The following KANK1 variants were observed in gnomAD, a reference collection of about 807,000 sequenced individuals.
The protein encoded by KANK1 is KN motif and ankyrin repeat domain-containing protein 1.
In KANK1, 109 loss-of-function variants were observed where a neutral mutation model predicts 106.2. That is an observed-to-expected ratio of 1.03 (90% CI 0.88 to 1.20). The LOEUF (loss-of-function observed/expected upper bound fraction) is 1.20. Among genes scored for constraint, KANK1 ranks in the 50% most tolerant of loss-of-function variants. The pLI, the probability that KANK1 is intolerant of heterozygous loss-of-function variation, is 0.00. For synonymous variants in KANK1, 873 were observed against 652.2 expected, an observed-to-expected ratio of 1.34 and a Z score of -5.16; for missense variants, 2,399 against 1,710.7, an observed-to-expected ratio of 1.40 and a Z score of -7.10.
chr9:601,351 T>G (rs896977918), intron 1 of KANK1, among the ~76,000 whole-genome samples: 6 of 151,886 alleles, frequency 4.0e-5, no homozygotes, highest in Non-Finnish European at 8.8e-5. Context: ...CATGATCCAA[T>G]CCAAGATCCA....
At position 491,941 on chromosome 9, in the gene KANK1, TCTC is replaced by T. The variant is rs1015498382; in HGVS notation, c.-362+18671_-362+18673del. ...CCATCCAAGTAAGACGTGAGTTACT[TCTC>T]CTTGCCTTCCGCCATGATTTTGAGG... On this transcript the variant is annotated intron_variant, in intron 3 of 15. Transcript: ENST00000382303. The T allele has an allele frequency of 3.9e-5, 6 of 152,220 alleles. No individual in the cohort carries two copies. In the South Asian group the frequency reaches 1.2e-3, roughly 32 times the overall value. 9.4% of individuals were successfully genotyped at this position (152,220 alleles called of 1,614,324 possible). A position where few individuals can be genotyped will look rare whatever the true frequency, so the allele number is the denominator to read the frequency against.
At chr9:559,383 C>G (rs1234546521) in intron 1 of KANK1, among the ~76,000 whole-genome samples, 1 of 141,112 alleles carries the variant, frequency 7.1e-6, no homozygotes, top group Non-Finnish European at 1.6e-5. Context: ...AGGATGATGA[C>G]TTTTTTATTG....
chr9:536,112 C>T (rs1476929318), intron 1 of KANK1, among the ~76,000 whole-genome samples: 5 of 151,938 alleles, frequency 3.3e-5, no homozygotes, highest in Non-Finnish European at 1.5e-5. Context: ...CTGAGGTGGG[C>T]GGATCACTTG....
At chr9:668,386 T>C (rs978011311) in intron 1 of KANK1, among the ~76,000 whole-genome samples, 13 of 152,210 alleles carry the variant, frequency 8.5e-5, no homozygotes, top group African/African-American at 2.7e-4. Context: ...GTTTGCTTTA[T>C]ATACTTGGGA....
chr9:729,593 A>C (rs1831663269), intron 3 of KANK1, among the ~76,000 whole-genome samples: 1 of 152,220 alleles, frequency 6.6e-6, no homozygotes, highest in African/African-American at 2.4e-5. Flanking sequence ...GGGGTCAGCC[A>C]GTACCAGGTT....
At chr9:668,439 TTC>T (rs1301634997) in intron 1 of KANK1, among the ~76,000 whole-genome samples, 1 of 152,132 alleles carries the variant, frequency 6.6e-6, no homozygotes, top group Non-Finnish European at 1.5e-5. Flanking sequence ...GTTCTAAGAT[TTC>T]TGTTTGATTT....
chr9:684,631 G>A (rs757109784), intron 2 of KANK1: 62 of 968,574 alleles, frequency 6.4e-5, no homozygotes, highest in Non-Finnish European at 7.0e-5. Flanking sequence ...GAATGAGTTG[G>A]GTGGGCTAGC....
At chr9:697,753 T>C (rs1263908172) in intron 2 of KANK1, among the ~76,000 whole-genome samples, 1 of 152,196 alleles carries the variant, frequency 6.6e-6, no homozygotes, top group Non-Finnish European at 1.5e-5. Flanking sequence ...AATCATATTA[T>C]TTTCATGCTC....
chr9:642,399 G>C (rs554894536), intron 1 of KANK1, among the ~76,000 whole-genome samples: 1 of 151,046 alleles, frequency 6.6e-6, no homozygotes, highest in South Asian at 2.1e-4. Flanking sequence ...TTTTACAGCA[G>C]CTTCTCTAAA....
chr9:670,928 A>C (rs1263318312), intron 1 of KANK1, among the ~76,000 whole-genome samples: 1 of 128,470 alleles, frequency 7.8e-6, no homozygotes, highest in South Asian at 2.7e-4. Context: ...TGAAAATCTG[A>C]TTCTCTTACT....
At chr9:575,648 G>A (rs943191030) in intron 1 of KANK1, among the ~76,000 whole-genome samples, 3 of 152,080 alleles carry the variant, frequency 2.0e-5, no homozygotes, top group Admixed American at 6.5e-5. Context: ...TCCAGCCTGG[G>A]CAACAGAGCA....
At chr9:561,433 T>G (rs1286021397) in intron 1 of KANK1, among the ~76,000 whole-genome samples, 3 of 152,220 alleles carry the variant, frequency 2.0e-5, no homozygotes, top group Non-Finnish European at 2.9e-5. Context: ...CCCTGACAGT[T>G]ACTTTGGTCA....
intron 1 of KANK1, among the ~76,000 whole-genome samples, chr9:514,369 T>C (rs963134554): frequency 2.0e-5 from 3 of 148,722 alleles, no homozygotes; most frequent in Non-Finnish European, 4.4e-5. Context: ...ATCCCTGTTA[T>C]GAGATGGTTC....
chr9:611,128 T>A (rs1044275656), intron 1 of KANK1, among the ~76,000 whole-genome samples: 1 of 152,156 alleles, frequency 6.6e-6, no homozygotes, highest in African/African-American at 2.4e-5. Flanking sequence ...GAAGGGACGG[T>A]TGGCTTGACA....
chr9:510,010 C>T (rs1484608116), intron 1 of KANK1, among the ~76,000 whole-genome samples: 1 of 150,494 alleles, frequency 6.6e-6, no homozygotes. Flanking sequence ...TGGGGTCTTG[C>T]TAGGTTGTCC....
intron 1 of KANK1, among the ~76,000 whole-genome samples, chr9:580,191 G>A (rs535641370): frequency 1.6e-4 from 24 of 151,906 alleles, no homozygotes; most frequent in Non-Finnish European, 3.2e-4. Flanking sequence ...AAGGCGGCGC[G>A]TCTGGAGTTG....
At chr9:472,015 T>G (rs1462843131) in intron 2 of KANK1, among the ~76,000 whole-genome samples, 2 of 152,166 alleles carry the variant, frequency 1.3e-5, no homozygotes, top group Non-Finnish European at 2.9e-5. Flanking sequence ...TACCCTTATG[T>G]GACTGACAAA....
rs185147398 is a variant in KANK1, at chr9:616,803, T to A, written c.-83-60087T>A. Among the ~76,000 whole-genome samples, 521 of 152,312 alleles carry A rather than the reference T, an allele frequency of 3.4e-3. 3 individuals are homozygous for A. The highest frequency in any genetic ancestry group is 6.0e-3 in the Non-Finnish European group (405 of 68,030). On this transcript the variant is annotated intron_variant, in intron 1 of 11. Coordinates refer to ENST00000382297, the MANE Select transcript of KANK1 (RefSeq NM_015158.5). ...CTCTGCTTATGTCGCTGCTGTTCTTTATAGCAGAGGAAGGAAAGAAAGCAA... is the reference window on the plus strand; with the variant it reads ...CTCTGCTTATGTCGCTGCTGTTCTTAATAGCAGAGGAAGGAAAGAAAGCAA...
chr9:625,104 C>T (rs1404504543), intron 1 of KANK1, among the ~76,000 whole-genome samples: 9 of 152,174 alleles, frequency 5.9e-5, no homozygotes, highest in South Asian at 2.1e-4. Flanking sequence ...GCACCGTTAG[C>T]GTCCTGGGCA....
Sources: gnomAD v4.1 joint callset for allele counts (sites outside exome capture counted in the v4.1 genomes callset) on GRCh38, gnomAD v4.1.1 for gene constraint, MANE v1.5 for transcripts, NCBI Gene and HGNC (gene_info 2026-07-23, HGNC 2026-07-21) for gene names.